SP140: variants seen among roughly 807,000 people sequenced by gnomAD.
SP140 encodes the protein nuclear body protein SP140.
SP140 carries 81 observed loss-of-function variants against 125.0 expected under a neutral mutation model. That is an observed-to-expected ratio of 0.65 (90% CI 0.54 to 0.78). SP140 has a LOEUF of 0.78. Among genes scored for constraint, SP140 ranks in the 30% least tolerant of loss-of-function variants. The pLI is 0.00. For missense variants in SP140, 858 were observed against 1,037.0 expected, an observed-to-expected ratio of 0.83 and a Z score of 2.37; for synonymous variants, 312 against 354.0, an observed-to-expected ratio of 0.88 and a Z score of 1.33.
intron 12 of SP140, among the ~76,000 whole-genome samples, chr2:230,267,164 T>A (rs764896098): frequency 1.2e-4 from 19 of 152,202 alleles, no homozygotes; most frequent in Non-Finnish European, 2.2e-4. Flanking sequence ...ATATTAAAAA[T>A]TTTGGCTTTA....
chr2:230,245,842 T>G, intron 6 of SP140, 21 bp from the exon 7 acceptor site: 2 of 1,536,552 alleles, frequency 1.3e-6, no homozygotes, highest in Non-Finnish European at 9.0e-7. Context: ...TTGTCTGTCA[T>G]GTTCCTCTTT....
chr2:230,286,844 T>C (rs1479888297), intron 17 of SP140, among the ~76,000 whole-genome samples: 3 of 152,168 alleles, frequency 2.0e-5, no homozygotes, highest in Admixed American at 2.0e-4. Flanking sequence ...TGGGTCTGAT[T>C]GGTCCTTTTT....
intron 15 of SP140, among the ~76,000 whole-genome samples, chr2:230,283,144 G>A (rs953865105): frequency 2.6e-5 from 4 of 152,220 alleles, no homozygotes; most frequent in African/African-American, 9.6e-5. Context: ...GGCTGACTCA[G>A]CATTCTCAGA....
chr2:230,305,812 A>G (rs1037524361), intron 22 of SP140, among the ~76,000 whole-genome samples: 1 of 152,190 alleles, frequency 6.6e-6, no homozygotes, highest in African/African-American at 2.4e-5. Context: ...CCCTCACAGG[A>G]GGCTGAACAA....
At chr2:230,224,991 G>A (rs1230028407), upstream of SP140, among the ~76,000 whole-genome samples, 2 of 152,166 alleles carry the variant, frequency 1.3e-5, no homozygotes, top group African/African-American at 2.4e-5. Context: ...TGAGGGCTGG[G>A]TATAAATGAA....
intron 15 of SP140, among the ~76,000 whole-genome samples, chr2:230,278,358 T>C (rs1196767247): frequency 2.0e-5 from 3 of 152,110 alleles, no homozygotes. Context: ...TTTGTTTTTT[T>C]GCTATTGAGT....
chr2:230,278,029 C>A (rs1247472419), intron 15 of SP140, among the ~76,000 whole-genome samples: 1 of 152,072 alleles, frequency 6.6e-6, no homozygotes, highest in Non-Finnish European at 1.5e-5. Context: ...GTATGTATTT[C>A]TGTTTTTAAC....
intron 17 of SP140, among the ~76,000 whole-genome samples, chr2:230,287,264 C>G (rs1325369041): frequency 6.6e-6 from 1 of 152,074 alleles, no homozygotes; most frequent in Non-Finnish European, 1.5e-5. Flanking sequence ...TGGACAAAGC[C>G]CTGGTCACAT....
At chr2:230,299,142 T>G (rs1414753633) in intron 22 of SP140, among the ~76,000 whole-genome samples, 3 of 152,206 alleles carry the variant, frequency 2.0e-5, no homozygotes. Flanking sequence ...ACTCACACTG[T>G]GAACTTTTGC....
chr2:230,300,521 T>A (rs1236996787), intron 22 of SP140, among the ~76,000 whole-genome samples: 1 of 151,834 alleles, frequency 6.6e-6, no homozygotes, highest in African/African-American at 2.4e-5. Flanking sequence ...ACCCAGTAGC[T>A]CTTCTGGGTG....
chr2:230,242,327 G>A (rs920178454), intron 4 of SP140, among the ~76,000 whole-genome samples: 16 of 152,116 alleles, frequency 1.1e-4, no homozygotes, highest in African/African-American at 3.6e-4. Context: ...GACAGTGTAG[G>A]TTTGAGGTAA....
chr2:230,275,785 A>G (rs531138710), intron 15 of SP140, among the ~76,000 whole-genome samples: 1 of 152,318 alleles, frequency 6.6e-6, no homozygotes, highest in South Asian at 2.1e-4. Context: ...CAATCAGCCA[A>G]GTTATGAAGT....
chr2:230,307,990 T>TATATATATATATATAA (rs869070046), intron 22 of SP140, among the ~76,000 whole-genome samples: 1 of 52,636 alleles, frequency 1.9e-5, no homozygotes, highest in Non-Finnish European at 3.7e-5. Context: ...TATATATATA[T>TATATATATATATATAA]ACACACACAC....
At chr2:230,220,009 C>A (rs202197342) in intron 3 of SP140, 2 of 985,478 alleles carry the variant, frequency 2.0e-6, no homozygotes, top group South Asian at 4.7e-5. Flanking sequence ...AGTAAGGGGC[C>A]GGGCTTCCGA....
chr2:230,270,905 T>C, intron 15 of SP140: 1 of 511,424 alleles, frequency 2.0e-6, no homozygotes, highest in Non-Finnish European at 3.8e-6. Context: ...CACAATCTAA[T>C]CTTGTAGGCC....
At chr2:230,301,670 A>T (rs2058293963) in intron 22 of SP140, among the ~76,000 whole-genome samples, 1 of 152,246 alleles carries the variant, frequency 6.6e-6, no homozygotes, top group African/African-American at 2.4e-5. Flanking sequence ...AAAATATACC[A>T]AAATAGAACC....
upstream of SP140, among the ~76,000 whole-genome samples, chr2:230,200,124 A>G (rs1574661277): frequency 6.6e-6 from 1 of 152,216 alleles, no homozygotes; most frequent in Admixed American, 6.5e-5. Context: ...TGTTAAAATG[A>G]TAATTTAGAT....
chr2:230,226,684 C>A (rs564434231), intron 1 of SP140, among the ~76,000 whole-genome samples: 63 of 148,750 alleles, frequency 4.2e-4, no homozygotes, highest in African/African-American at 1.6e-3. Context: ...ATCGCTTGAA[C>A]CAGGGAGGCA....
intron 1 of SP140, chr2:230,208,091 A>C: frequency 8.2e-7 from 1 of 1,218,076 alleles, no homozygotes; most frequent in Non-Finnish European, 1.2e-6. Context: ...TTATAGTTAC[A>C]AACATTGATC....
Sources: allele counts gnomAD v4.1 joint callset (sites outside exome capture counted in the v4.1 genomes callset), GRCh38; gene constraint gnomAD v4.1.1; transcripts MANE v1.5; gene names NCBI Gene and HGNC (gene_info 2026-07-23, HGNC 2026-07-21).